The following SORL1 variants were observed in gnomAD, a reference collection of about 807,000 sequenced individuals.
The protein encoded by SORL1 is sortilin related receptor 1, also known as sortilin-related receptor.
A neutral mutation model predicts 273.7 loss-of-function variants in SORL1; 127 were observed. The observed-to-expected ratio is 0.46, with a 90% CI of 0.40 to 0.54. The LOEUF (loss-of-function observed/expected upper bound fraction) is 0.54. Among genes scored for constraint, SORL1 ranks in the 20% least tolerant of loss-of-function variants. SORL1 has a pLI of 0.00. For missense variants in SORL1, 2,494 were observed against 2,846.1 expected (o/e 0.88, Z 2.81); for synonymous variants, 1,031 against 1,067.4 (o/e 0.97, Z 0.66).
intron 6 of SORL1, among the ~76,000 whole-genome samples, chr11:121,509,554 G>A (rs934059136): frequency 2.0e-5 from 3 of 151,992 alleles, no homozygotes; most frequent in African/African-American, 4.8e-5. Context: ...TCGGCTCACC[G>A]CAACCTCCGC....
chr11:121,475,125 G>A lies in SORL1; in HGVS notation c.403-2993G>A, dbSNP rs143701894. On this transcript the variant is annotated intron_variant, in intron 2 of 47. Transcript: ENST00000260197. ...TAGCTGGGCATGGTGGCGCCTGCCT[G>A]TAATCCCAGCTACTCAGGAGGCTGA... 3.7e-3 allele frequency among the ~76,000 whole-genome samples: 559 copies of A among 152,214 alleles called. 7 individuals are homozygous for A. Among genetic ancestry groups the A allele is most frequent in the Non-Finnish European group, 4.7e-3 (317 of 68,002 alleles).
At chr11:121,455,821 C>T (rs1243519196) in intron 1 of SORL1, among the ~76,000 whole-genome samples, 8 of 152,102 alleles carry the variant, frequency 5.3e-5, no homozygotes, top group African/African-American at 1.7e-4. Context: ...GGGGAAACCC[C>T]GTCTCTACTA....
At chr11:121,536,874 C>T (rs1862275430) in intron 12 of SORL1, among the ~76,000 whole-genome samples, 1 of 152,064 alleles carries the variant, frequency 6.6e-6, no homozygotes, top group South Asian at 2.1e-4. Flanking sequence ...AACGGCAATC[C>T]AGTAGAAAAC....
chr11:121,613,815 C>T (rs897420924), intron 40 of SORL1, among the ~76,000 whole-genome samples: 1 of 152,162 alleles, frequency 6.6e-6, no homozygotes, highest in African/African-American at 2.4e-5. Flanking sequence ...TTAGTGTTGC[C>T]CCAGTAGAAA....
At chr11:121,501,121 GCT>G (rs1861702215) in intron 6 of SORL1, among the ~76,000 whole-genome samples, 1 of 152,044 alleles carries the variant, frequency 6.6e-6, no homozygotes, top group African/African-American at 2.4e-5. Flanking sequence ...AGCACCCAAT[GCT>G]TATAACTCTC....
intron 6 of SORL1, among the ~76,000 whole-genome samples, chr11:121,512,271 T>C (rs1199291242): frequency 6.6e-6 from 1 of 152,230 alleles, no homozygotes; most frequent in Non-Finnish European, 1.5e-5. Flanking sequence ...TGTATATGAA[T>C]AAACTGAAAG....
rs1863846601 is a variant in SORL1 at position 121,629,640 on chromosome 11, A to T, written c.*77A>T. The T allele has an allele frequency of 3.9e-6, 3 of 761,622 alleles. No individual in the cohort carries two copies. The highest frequency in any genetic ancestry group is 5.0e-5 in the East Asian group (2 of 39,868). 47.2% of individuals were successfully genotyped at this position (761,622 alleles called of 1,614,324 possible). A position where few individuals can be genotyped will look rare whatever the true frequency, so the allele number is the denominator to read the frequency against. On this transcript the variant is annotated 3_prime_UTR_variant, in exon 48 of 48. Transcript: ENST00000260197. ...GATAGTTGATGGTTTATTTTAAAAG[A>T]TGCACTTTGAGTTGCAATATGTTAT...
intron 22 of SORL1, among the ~76,000 whole-genome samples, chr11:121,568,645 A>G (rs1296091835): frequency 2.0e-5 from 3 of 152,216 alleles, no homozygotes. Context: ...TATGTATATA[A>G]AAACATACCT....
chr11:121,584,127 C>T (rs1293894822), intron 26 of SORL1, among the ~76,000 whole-genome samples: 2 of 152,050 alleles, frequency 1.3e-5, no homozygotes, highest in Non-Finnish European at 2.9e-5. Context: ...TTGGAAATGG[C>T]CTGATTTTTC....
intron 35 of SORL1, among the ~76,000 whole-genome samples, chr11:121,606,571 C>A (rs1863476110): frequency 6.6e-6 from 1 of 152,180 alleles, no homozygotes; most frequent in Non-Finnish European, 1.5e-5. Flanking sequence ...GGTGACTCAG[C>A]CTGCCCAAGT....
rs868090157 is a variant in SORL1, at chr11:121,562,758, A to G, written c.3049+3101A>G. Among the ~76,000 whole-genome samples the G allele has an allele frequency of 1.5e-4, 23 of 152,332 alleles. 1 individual carries two copies. The highest frequency in any genetic ancestry group is 6.8e-3 in the Middle Eastern group (2 of 294). On this transcript the variant is annotated intron_variant, in intron 21 of 47. Transcript: ENST00000260197. ...GGAAAGGGTGAAAGTTCTAGACTTA[A>G]TAAGGGAGGAAAAAAAATCTTACAC... is the stretch of plus-strand genomic sequence containing the variant.
intron 1 of SORL1, 29 bp from the exon 2 acceptor site, chr11:121,469,978 G>C: frequency 7.1e-7 from 1 of 1,406,692 alleles, no homozygotes; most frequent in Non-Finnish European, 1.0e-6. Context: ...CTTATCGTGG[G>C]TCCTAATTCC....
chr11:121,540,914 G>A (rs1171423586), intron 12 of SORL1, among the ~76,000 whole-genome samples: 2 of 152,254 alleles, frequency 1.3e-5, no homozygotes, highest in African/African-American at 4.8e-5. Context: ...TGAGTGGGCA[G>A]ATGGCTGCCA....
chr11:121,455,991 T>TAAA (rs35906996), intron 1 of SORL1, among the ~76,000 whole-genome samples: 1 of 116,572 alleles, frequency 8.6e-6, no homozygotes, highest in East Asian at 2.5e-4. Context: ...AGACTCCATC[T>TAAA]AAAAAAAAAA....
Position 121,605,257 on chromosome 11 carries a change from C to A in SORL1, c.4778+18C>A. On this transcript the variant is annotated intron_variant, in intron 34 of 47. Coordinates refer to ENST00000260197, the MANE Select transcript of SORL1 (RefSeq NM_003105.6). Reference sequence around the variant, plus strand: ...TACTACAGGTAGGTCCCATCTTTGTCATGGGAGATGAAAATGATGTCTTCA... The same window carrying A: ...TACTACAGGTAGGTCCCATCTTTGTAATGGGAGATGAAAATGATGTCTTCA... 1.2e-6 allele frequency: 2 copies of A among 1,603,486 alleles called. No individual in the cohort carries two copies. Among genetic ancestry groups the A allele is most frequent in the African/African-American group, 2.7e-5 (2 of 74,574 alleles).
chr11:121,625,844 T>C (rs938309035), intron 46 of SORL1, among the ~76,000 whole-genome samples: 4 of 152,214 alleles, frequency 2.6e-5, no homozygotes, highest in African/African-American at 9.6e-5. Flanking sequence ...GCTTACATTA[T>C]AGTAGTTTGG....
chr11:121,564,686 C>T (rs1049820695), intron 21 of SORL1, among the ~76,000 whole-genome samples: 3 of 151,998 alleles, frequency 2.0e-5, no homozygotes, highest in African/African-American at 7.3e-5. Flanking sequence ...AAGCAATCTT[C>T]CCACTTCAGC....
At chr11:121,500,418 A>G (rs1346637242) in intron 6 of SORL1, among the ~76,000 whole-genome samples, 3 of 152,236 alleles carry the variant, frequency 2.0e-5, no homozygotes, top group African/African-American at 7.2e-5. Flanking sequence ...CACGCCTTGC[A>G]TGCTGCAGAC....
chr11:121,515,984 C>T lies in SORL1; in HGVS notation c.1211+1663C>T, dbSNP rs530893119. ...TCGAAATGAGATGGAAGGTTTAGAC[C>T]AGGAGATGGACATGATCTGATTTAA... On this transcript the variant is annotated intron_variant, in intron 8 of 47. Coordinates refer to ENST00000260197, the MANE Select transcript of SORL1 (RefSeq NM_003105.6). Among the ~76,000 whole-genome samples the T allele has an allele frequency of 5.9e-5, 9 of 152,264 alleles. No homozygotes were observed. The South Asian group carries it at 6.2e-4, about 11-fold the overall frequency.
Sources: gnomAD v4.1 joint callset for allele counts (sites outside exome capture counted in the v4.1 genomes callset) on GRCh38, gnomAD v4.1.1 for gene constraint, MANE v1.5 for transcripts, NCBI Gene and HGNC (gene_info 2026-07-23, HGNC 2026-07-21) for gene names.